The following GPHN variants were observed in gnomAD, a reference collection of about 807,000 sequenced individuals.
The protein encoded by GPHN is gephyrin.
Under a neutral mutation model 95.5 loss-of-function variants are expected in GPHN, and 17 were observed. That is an observed-to-expected ratio of 0.18 (90% CI 0.12 to 0.27). GPHN has a LOEUF of 0.27. Ranked by LOEUF, GPHN falls within the 10% of genes least tolerant of loss-of-function variation. GPHN has a pLI of 1.00. For missense variants in GPHN, 660 were observed against 978.1 expected (o/e 0.67, Z 4.34); for synonymous variants, 320 against 322.5 (o/e 0.99, Z 0.08).
At chr14:67,182,064 G>A (rs1394198614), downstream of GPHN, among the ~76,000 whole-genome samples, 1 of 152,024 alleles carries the variant, frequency 6.6e-6, no homozygotes, top group East Asian at 1.9e-4. Flanking sequence ...AGAATAGCAA[G>A]CAAATTTAGA....
chr14:67,641,910 C>G, the GPHN span, among the ~76,000 whole-genome samples: 3 of 152,186 alleles, frequency 2.0e-5, no homozygotes, highest in East Asian at 5.8e-4. Context: ...TTTATTTCTA[C>G]TCTATCACTC....
At chr14:66,518,608 G>A (rs2058351463) in intron 1 of GPHN, among the ~76,000 whole-genome samples, 1 of 152,010 alleles carries the variant, frequency 6.6e-6, no homozygotes, top group Non-Finnish European at 1.5e-5. Flanking sequence ...CAGATTAATG[G>A]GCAAAGAAAT....
chr14:67,170,427 C>G (rs1394670087), intron 21 of GPHN, among the ~76,000 whole-genome samples: 2 of 152,080 alleles, frequency 1.3e-5, no homozygotes, highest in African/African-American at 2.4e-5. Context: ...TTCATATTTA[C>G]TAAATTAAGG....
intron 2 of GPHN, among the ~76,000 whole-genome samples, chr14:66,706,897 T>A (rs1166177243): frequency 6.8e-6 from 1 of 147,752 alleles, no homozygotes; most frequent in Non-Finnish European, 1.5e-5. Flanking sequence ...TGGGAGAAAA[T>A]TTTGCAATCT....
intron 10 of GPHN, among the ~76,000 whole-genome samples, chr14:67,056,568 G>T (rs980387496): frequency 6.6e-6 from 1 of 152,224 alleles, no homozygotes; most frequent in Admixed American, 6.5e-5. Context: ...ACAAACCCGA[G>T]CTAGACACAG....
At chr14:67,190,984 A>T in the GPHN span, among the ~76,000 whole-genome samples, 1 of 152,210 alleles carries the variant, frequency 6.6e-6, no homozygotes, top group Non-Finnish European at 1.5e-5. Context: ...CTGTAATCCC[A>T]GCACTTTGGG....
chr14:67,169,201 CTTT>C, intron 21 of GPHN, 165 bp downstream of exon 21: 1 of 638,668 alleles, frequency 1.6e-6, no homozygotes, highest in East Asian at 2.7e-5. Context: ...GAAAGGGTCC[CTTT>C]AATTCTCCTA....
chr14:67,621,949 TAGTC>T, the GPHN span, among the ~76,000 whole-genome samples: 1 of 151,836 alleles, frequency 6.6e-6, no homozygotes, highest in Non-Finnish European at 1.5e-5. Flanking sequence ...ATACAAAAAT[TAGTC>T]AGGCATAGTG....
intron 5 of GPHN, among the ~76,000 whole-genome samples, chr14:66,908,754 G>A (rs981952552): frequency 2.6e-5 from 4 of 151,748 alleles, no homozygotes; most frequent in African/African-American, 9.7e-5. Context: ...AATAAAAATG[G>A]CTGTATATCT....
the GPHN span, chr14:67,695,896 A>AT: frequency 1.5e-5 from 9 of 595,672 alleles, no homozygotes; most frequent in East Asian, 2.5e-4. Flanking sequence ...CAGAAGTTGA[A>AT]TTATACATCG....
intron 1 of GPHN, among the ~76,000 whole-genome samples, chr14:66,610,250 G>A (rs1223706943): frequency 2.6e-5 from 4 of 152,116 alleles, no homozygotes; most frequent in South Asian, 2.1e-4. Flanking sequence ...TGGTGCTTAA[G>A]TATAATGGCC....
intron 9 of GPHN, among the ~76,000 whole-genome samples, chr14:67,007,805 A>C (rs1234071726): frequency 1.3e-5 from 2 of 152,158 alleles, no homozygotes; most frequent in Admixed American, 1.3e-4. Flanking sequence ...TTATAGAGTC[A>C]TATGTCCTGG....
the GPHN span, chr14:67,385,059 T>C: frequency 6.6e-6 from 1 of 152,096 alleles, no homozygotes; most frequent in Non-Finnish European, 1.5e-5. Context: ...TGGTGAGTGA[T>C]TTTTATCCCA....
At chr14:66,548,924 A>T (rs73279761) in intron 1 of GPHN, among the ~76,000 whole-genome samples, 24,587 of 152,138 alleles carry the variant, frequency 0.16, 3,841 homozygotes, top group East Asian at 0.45. Context: ...AGAAAATAAC[A>T]AATTTTCATA....
chr14:66,842,544 T>A (rs2062142251), intron 4 of GPHN: 1 of 631,826 alleles, frequency 1.6e-6, no homozygotes, highest in Non-Finnish European at 2.7e-6. Context: ...TCAGAAATGG[T>A]TTCATTCTGA....
intron 1 of GPHN, among the ~76,000 whole-genome samples, chr14:66,665,847 T>A (rs2065918146): frequency 6.6e-6 from 1 of 152,042 alleles, no homozygotes; most frequent in Non-Finnish European, 1.5e-5. Flanking sequence ...ACTTGGAACC[T>A]CCCCAAATGT....
chr14:66,899,920 A>G (rs184821644), intron 5 of GPHN, among the ~76,000 whole-genome samples: 67 of 151,912 alleles, frequency 4.4e-4, no homozygotes, highest in Middle Eastern at 3.4e-3. Context: ...GAGTTTTTTT[A>G]CTATAAATTG....
chr14:67,050,979 G>A (rs945638857), intron 10 of GPHN, among the ~76,000 whole-genome samples: 1 of 152,146 alleles, frequency 6.6e-6, no homozygotes, highest in African/African-American at 2.4e-5. Flanking sequence ...CACAGATCAG[G>A]AGATTCCCCT....
the GPHN span, chr14:67,728,040 C>T: frequency 1.3e-5 from 2 of 152,258 alleles, no homozygotes; most frequent in African/African-American, 2.4e-5. Flanking sequence ...CCTTTAACCT[C>T]CCCTGACTTC....
Sources: gnomAD v4.1 joint callset for allele counts (sites outside exome capture counted in the v4.1 genomes callset) on GRCh38, gnomAD v4.1.1 for gene constraint, MANE v1.5 for transcripts, NCBI Gene and HGNC (gene_info 2026-07-23, HGNC 2026-07-21) for gene names.